Variants in TLK1 observed in about 807,000 individuals in gnomAD.
TLK1 encodes the protein serine/threonine-protein kinase tousled-like 1.
A neutral mutation model predicts 105.3 loss-of-function variants in TLK1; 24 were observed. The ratio of observed to expected loss-of-function variants is 0.23; its 90% CI spans 0.17 to 0.32. The LOEUF (loss-of-function observed/expected upper bound fraction) is 0.32, where lower values mean the gene tolerates loss of function less well. TLK1 is among the 10% of genes least tolerant of loss of function. The pLI, the probability that TLK1 is intolerant of heterozygous loss-of-function variation, is 1.00. For missense variants in TLK1, 558 were observed against 910.5 expected (o/e 0.61, Z 4.98); for synonymous variants, 321 against 310.4 (o/e 1.03, Z -0.36).
upstream of TLK1, among the ~76,000 whole-genome samples, chr2:171,165,329 T>C (rs1202537591): frequency 6.6e-6 from 1 of 152,146 alleles, no homozygotes. Flanking sequence ...ATGATGACGA[T>C]CAATGAGCTG....
rs370566078 is a variant in TLK1 at position 171,056,516 on chromosome 2, G to T, written c.504C>A (p.Ile168=). The T allele has an allele frequency of 2.5e-6, 4 of 1,612,162 alleles. No individual in the cohort carries two copies. In the African/African-American group the frequency reaches 5.3e-5, roughly 22 times the overall value. Residue 168 remains isoleucine (I), a synonymous_variant, in exon 6 of 21, where the codon ATC becomes ATA. Transcript: ENST00000431350. Reference sequence around the variant, plus strand: ...GTGAATGTGAATTTTGAGGAGAACGGATTGCAGGAGGTATGCCTCTTACTG... The same window carrying T: ...GTGAATGTGAATTTTGAGGAGAACGTATTGCAGGAGGTATGCCTCTTACTG... The part of the protein sequence containing the change: ...SSPVRGIPPA[I]RSPQNSHSHS...
chr2:171,046,670 T>C (rs1281540329), intron 10 of TLK1, among the ~76,000 whole-genome samples: 2 of 152,198 alleles, frequency 1.3e-5, no homozygotes, highest in South Asian at 2.1e-4. Flanking sequence ...TATCAGAAAG[T>C]GTCCGGTTAG....
At position 171,056,486 on chromosome 2, in the gene TLK1, G is replaced by A. The variant is rs776229882; in HGVS notation, c.534C>T (p.Ser178=). 7 of 1,611,392 alleles carry A rather than the reference G, an allele frequency of 4.3e-6. No individual in the cohort carries two copies. In the South Asian group the frequency reaches 5.5e-5, roughly 13 times the overall value. The change falls in exon 6 of 21, where the codon TCC becomes TCT. Residue 178 remains serine (S), a synonymous_variant. Coordinates refer to ENST00000431350, the MANE Select transcript of TLK1 (RefSeq NM_012290.5). ...GATGACTTACAGATGAGGAAGGAGT[G>A]GAATGTGAATGTGAATTTTGAGGAG... ...IRSPQNSHSH[S]TPSSSVRPNS... is the part of the protein sequence containing the mutation.
chr2:171,196,889 A>G lies in TLK1; in HGVS notation c.-6+34256T>C, dbSNP rs935499388. 2.0e-5 allele frequency among the ~76,000 whole-genome samples: 3 copies of G among 152,242 alleles called. No individual in the cohort carries two copies. The South Asian group carries it at 6.2e-4, about 32-fold the overall frequency. Reference sequence around the variant, plus strand: ...ATGAATATAGCTCTAAAAACTTAGTAAGGTTATTTTATGTTTTGCTTTGCT... The same window carrying G: ...ATGAATATAGCTCTAAAAACTTAGTGAGGTTATTTTATGTTTTGCTTTGCT... On this transcript the variant is annotated intron_variant, in intron 1 of 20. Coordinates refer to the TLK1 transcript ENST00000521943.
At chr2:171,056,002 C>A (rs1016433834) in intron 6 of TLK1, among the ~76,000 whole-genome samples, 8 of 151,944 alleles carry the variant, frequency 5.3e-5, no homozygotes, top group Middle Eastern at 3.4e-3. Flanking sequence ...TATGAAAAAA[C>A]CAAAAAGTTT....
intron 12 of TLK1, chr2:171,022,798 AGAT>A (rs763208883): frequency 2.5e-5 from 6 of 238,534 alleles, no homozygotes; most frequent in Non-Finnish European, 5.1e-5. Flanking sequence ...TTGATAAGTC[AGAT>A]GACAATGGTG....
At chr2:171,196,678 A>G (rs1048283104) in intron 1 of TLK1, among the ~76,000 whole-genome samples, 8 of 152,172 alleles carry the variant, frequency 5.3e-5, no homozygotes, top group Admixed American at 5.2e-4. Flanking sequence ...ATGGGCTCTA[A>G]AAACTAAGCA....
intron 1 of TLK1, among the ~76,000 whole-genome samples, chr2:171,193,907 AC>A (rs1200940460): frequency 1.3e-5 from 2 of 151,254 alleles, no homozygotes; most frequent in South Asian, 4.2e-4. Context: ...TATAGTGAAG[AC>A]AGGGTTTCAC....
intron 1 of TLK1, among the ~76,000 whole-genome samples, chr2:171,214,037 T>A (rs1457779878): frequency 1.3e-5 from 2 of 150,888 alleles, no homozygotes; most frequent in African/African-American, 4.9e-5. Flanking sequence ...TTTTAGAAAA[T>A]TTTTAATGAA....
In TLK1 at chr2:171,059,890, C is replaced by A. The variant is rs1201784216; in HGVS notation, c.406+1191G>T. ...GCCGCTGATCTGACAGGAGGCCGAG[C>A]TTAGGCGGTAATGCTCACTGGCCCG... On this transcript the variant is annotated intron_variant, in intron 4 of 20. Transcript: ENST00000431350. 3 of 1,082,018 alleles carry A rather than the reference C, an allele frequency of 2.8e-6. No homozygotes were observed. The African/African-American group carries it at 4.6e-5, about 17-fold the overall frequency. The allele number at this position is 1,082,018 out of a possible 1,614,324, so 67.0% of individuals were successfully genotyped here. A position where few individuals can be genotyped will look rare whatever the true frequency, so the allele number is the denominator to read the frequency against.
chr2:171,085,428 AGTTGTCAGTCTCTT>A (rs931033202), intron 2 of TLK1, among the ~76,000 whole-genome samples: 5 of 152,006 alleles, frequency 3.3e-5, no homozygotes, highest in African/African-American at 1.2e-4. Context: ...TGACATTTTC[AGTTGTCAGTCTCTT>A]GTTGTCAGTT....
chr2:171,157,660 AAAT>A (rs1221578524), intron 1 of TLK1, among the ~76,000 whole-genome samples: 6 of 152,234 alleles, frequency 3.9e-5, no homozygotes, highest in Non-Finnish European at 8.8e-5. Flanking sequence ...ACAGCATCAA[AAAT>A]AATCAGATCA....
intron 1 of TLK1, among the ~76,000 whole-genome samples, chr2:171,171,504 CAAAAAAAA>C (rs541238416): frequency 3.0e-5 from 2 of 67,416 alleles, no homozygotes; most frequent in East Asian, 3.1e-4. Flanking sequence ...CCCTCATCTC[CAAAAAAAA>C]AAAAAAAAAG....
At chr2:171,165,770 G>T (rs183449717), upstream of TLK1, among the ~76,000 whole-genome samples, 2 of 152,034 alleles carry the variant, frequency 1.3e-5, no homozygotes, top group Admixed American at 6.5e-5. Context: ...AATTAGCCAG[G>T]CATGGTGGCG....
intron 1 of TLK1, among the ~76,000 whole-genome samples, chr2:171,213,120 G>T (rs887585610): frequency 6.6e-6 from 1 of 151,736 alleles, no homozygotes; most frequent in African/African-American, 2.4e-5. Flanking sequence ...TCTCCAAAAG[G>T]TTTTGCTAAT....
At chr2:171,040,855 G>T (rs995414325) in intron 11 of TLK1, among the ~76,000 whole-genome samples, 1 of 152,014 alleles carries the variant, frequency 6.6e-6, no homozygotes, top group African/African-American at 2.4e-5. Flanking sequence ...GGGATTACAG[G>T]CCTGAGCCAC....
At chr2:171,170,105 C>G (rs534976558) in intron 1 of TLK1, among the ~76,000 whole-genome samples, 2 of 151,980 alleles carry the variant, frequency 1.3e-5, no homozygotes, top group South Asian at 4.2e-4. Flanking sequence ...ATGTAGATTC[C>G]CTATTAATAG....
intron 1 of TLK1, among the ~76,000 whole-genome samples, chr2:171,215,493 T>C (rs1004336549): frequency 6.6e-6 from 1 of 152,198 alleles, no homozygotes; most frequent in Non-Finnish European, 1.5e-5. Context: ...GCAAATCTGC[T>C]TTAAGAATGT....
At chr2:171,079,998 G>A (rs1303461245) in intron 3 of TLK1, among the ~76,000 whole-genome samples, 1 of 151,826 alleles carries the variant, frequency 6.6e-6, no homozygotes, top group African/African-American at 2.4e-5. Flanking sequence ...ATCCAGGGTG[G>A]GGTAAGGGTG....
Sources: allele counts gnomAD v4.1 joint callset (sites outside exome capture counted in the v4.1 genomes callset), GRCh38; gene constraint gnomAD v4.1.1; transcripts MANE v1.5; gene names NCBI Gene and HGNC (gene_info 2026-07-23, HGNC 2026-07-21).